LOC128092249: variants seen among roughly 807,000 people sequenced by gnomAD.
the LOC128092249 span, chr21:46,326,450 G>T: frequency 6.2e-7 from 1 of 1,614,252 alleles, no homozygotes; most frequent in Non-Finnish European, 8.5e-7. Flanking sequence ...AAGAGGAAGG[G>T]CTCGGCTGTC....
chr21:46,326,451 C>T, the LOC128092249 span: 3 of 1,614,234 alleles, frequency 1.9e-6, no homozygotes, highest in South Asian at 2.2e-5. Context: ...AGAGGAAGGG[C>T]TCGGCTGTCG....
At chr21:46,326,356 C>T in the LOC128092249 span, 5 of 1,612,248 alleles carry the variant, frequency 3.1e-6, no homozygotes, top group South Asian at 2.2e-5. Flanking sequence ...GCCTTTACTA[C>T]TTATCTACAT....
the LOC128092249 span, chr21:46,326,372 C>G: frequency 6.2e-7 from 1 of 1,613,724 alleles, no homozygotes; most frequent in Non-Finnish European, 8.5e-7. Context: ...TACATTTTTG[C>G]GCAGCTTGCT....
chr21:46,326,354 T>C, the LOC128092249 span: 2 of 1,611,852 alleles, frequency 1.2e-6, no homozygotes, highest in Non-Finnish European at 1.7e-6. Flanking sequence ...TTGCCTTTAC[T>C]ACTTATCTAC....
At chr21:46,326,459 TC>T in the LOC128092249 span, 1 of 1,614,234 alleles carries the variant, frequency 6.2e-7, no homozygotes, top group South Asian at 1.1e-5. Context: ...GGCTCGGCTG[TC>T]GATGCGTCTG....
the LOC128092249 span, chr21:46,326,406 A>C: frequency 6.2e-7 from 1 of 1,614,122 alleles, no homozygotes; most frequent in African/African-American, 1.3e-5. Context: ...GAAAAACAAA[A>C]GGTGACAGTT....
At chr21:46,326,315 T>G in the LOC128092249 span, 1 of 1,508,268 alleles carries the variant, frequency 6.6e-7, no homozygotes, top group Non-Finnish European at 9.2e-7. Flanking sequence ...GTTGACTTTG[T>G]GGTTCTGTTA....
At chr21:46,326,480 A>C in the LOC128092249 span, 1 of 1,614,208 alleles carries the variant, frequency 6.2e-7, no homozygotes, top group Non-Finnish European at 8.5e-7. Context: ...GTCCAGGAGG[A>C]GAGTCCGGTA....
At chr21:46,326,353 C>G in the LOC128092249 span, 9 of 1,610,924 alleles carry the variant, frequency 5.6e-6, no homozygotes, top group Non-Finnish European at 7.6e-6. Context: ...TTTGCCTTTA[C>G]TACTTATCTA....
At chr21:46,326,478 G>A in the LOC128092249 span, 1 of 1,614,240 alleles carries the variant, frequency 6.2e-7, no homozygotes, top group East Asian at 2.2e-5. Context: ...CTGTCCAGGA[G>A]GAGAGTCCGG....
the LOC128092249 span, chr21:46,326,468 C>G: frequency 1.2e-6 from 2 of 1,614,236 alleles, no homozygotes; most frequent in East Asian, 4.5e-5. Context: ...GTCGATGCGT[C>G]TGTCCAGGAG....
chr21:46,326,437 G>A, the LOC128092249 span: 1 of 1,614,120 alleles, frequency 6.2e-7, no homozygotes, highest in South Asian at 1.1e-5. Context: ...GAAAAAGACG[G>A]CGAAGAGGAA....
At chr21:46,326,464 G>C in the LOC128092249 span, 993 of 1,614,244 alleles carry the variant, frequency 6.2e-4, 16 homozygotes, top group South Asian at 9.9e-3. Flanking sequence ...GGCTGTCGAT[G>C]CGTCTGTCCA....
At chr21:46,326,347 C>T in the LOC128092249 span, 14 of 1,607,014 alleles carry the variant, frequency 8.7e-6, no homozygotes, top group African/African-American at 1.2e-4. Context: ...CTTACCTTTG[C>T]CTTTACTACT....
the LOC128092249 span, chr21:46,326,472 C>G: frequency 3.8e-5 from 62 of 1,614,056 alleles, no homozygotes; most frequent in Non-Finnish European, 5.0e-5. Flanking sequence ...ATGCGTCTGT[C>G]CAGGAGGAGA....
At chr21:46,326,377 C>T in the LOC128092249 span, 1 of 1,614,126 alleles carries the variant, frequency 6.2e-7, no homozygotes, top group Non-Finnish European at 8.5e-7. Flanking sequence ...TTTTGCGCAG[C>T]TTGCTCACTT....
chr21:46,326,445 G>A, the LOC128092249 span: 1 of 1,614,236 alleles, frequency 6.2e-7, no homozygotes, highest in Non-Finnish European at 8.5e-7. Flanking sequence ...CGGCGAAGAG[G>A]AAGGGCTCGG....
the LOC128092249 span, chr21:46,326,360 T>G: frequency 1.9e-6 from 3 of 1,613,446 alleles, no homozygotes; most frequent in Admixed American, 1.7e-5. Flanking sequence ...TTACTACTTA[T>G]CTACATTTTT....
the LOC128092249 span, chr21:46,326,459 T>A: frequency 6.2e-7 from 1 of 1,614,234 alleles, no homozygotes; most frequent in East Asian, 2.2e-5. Flanking sequence ...GGCTCGGCTG[T>A]CGATGCGTCT....
Sources: gnomAD v4.1 joint callset for allele counts on GRCh38, gnomAD v4.1.1 for gene constraint, MANE v1.5 for transcripts.